C12orf42: variants seen among roughly 807,000 people sequenced by gnomAD.
The protein encoded by C12orf42 is chromosome 12 open reading frame 42, also known as uncharacterized protein C12orf42.
In C12orf42, 25 loss-of-function variants were observed where a neutral mutation model predicts 21.6. The observed-to-expected ratio is 1.16, with a 90% CI of 0.84 to 1.62. C12orf42 has a LOEUF of 1.62. Among genes scored for constraint, C12orf42 ranks in the 40% most tolerant of loss-of-function variants. C12orf42 has a pLI of 0.00. For missense variants in C12orf42, 483 were observed against 459.3 expected (o/e 1.05, Z -0.47); for synonymous variants, 174 against 175.0 (o/e 0.99, Z 0.05).
chr12:103,523,128 CCT>C, the C12orf42 span, among the ~76,000 whole-genome samples: 3 of 152,086 alleles, frequency 2.0e-5, no homozygotes, highest in African/African-American at 7.2e-5. Flanking sequence ...ATAAATGAGC[CCT>C]CTCTTTTAAA....
chr12:103,427,895 AG>A (rs1949967736), intron 2 of C12orf42, among the ~76,000 whole-genome samples: 1 of 152,234 alleles, frequency 6.6e-6, no homozygotes, highest in South Asian at 2.1e-4. Context: ...AACGAAATTA[AG>A]GCAGAAGTAA....
the C12orf42 span, among the ~76,000 whole-genome samples, chr12:103,078,205 G>A: frequency 6.6e-6 from 1 of 152,122 alleles, no homozygotes; most frequent in Non-Finnish European, 1.5e-5. Context: ...TGCATATGTT[G>A]ACTAACTTAA....
chr12:103,070,075 C>A, the C12orf42 span, among the ~76,000 whole-genome samples: 4 of 152,156 alleles, frequency 2.6e-5, no homozygotes, highest in Non-Finnish European at 5.9e-5. Context: ...ATTTTATTTC[C>A]TTGCCACTGT....
In C12orf42 at chr12:103,411,870, C is replaced by T. The variant is rs12579792; in HGVS notation, c.79-10195G>A. Among the ~76,000 whole-genome samples the T allele has an allele frequency of 9.5e-3, 1,448 of 152,270 alleles. 50 individuals are homozygous for T. The East Asian group carries it at 0.11, about 12-fold the overall frequency. On this transcript the variant is annotated intron_variant, in intron 2 of 5. Coordinates refer to ENST00000548883, the MANE Select transcript of C12orf42 (RefSeq NM_198521.5). ...GCACATGCATGCACACAAACACACA[C>T]ACACATACACAGAGGGAGACAGGCA... is the stretch of plus-strand genomic sequence containing the variant.
the C12orf42 span, among the ~76,000 whole-genome samples, chr12:103,083,102 C>T: frequency 9.2e-5 from 14 of 152,232 alleles, no homozygotes; most frequent in South Asian, 4.2e-4. Flanking sequence ...CGGTGGCTGA[C>T]GCCTGTAATT....
the C12orf42 span, among the ~76,000 whole-genome samples, chr12:103,189,150 TTAACACACA>T: frequency 2.6e-5 from 4 of 152,186 alleles, no homozygotes; most frequent in African/African-American, 9.7e-5. Context: ...AAGGCTGGGA[TTAACACACA>T]AAATGCATCT....
intron 4 of C12orf42, among the ~76,000 whole-genome samples, chr12:103,337,795 A>G (rs2041834462): frequency 6.6e-6 from 1 of 152,042 alleles, no homozygotes; most frequent in Admixed American, 6.6e-5. Context: ...TACTTACACC[A>G]CTAAGAAGAG....
chr12:103,099,383 C>A, the C12orf42 span, among the ~76,000 whole-genome samples: 2 of 152,144 alleles, frequency 1.3e-5, no homozygotes, highest in Admixed American at 6.5e-5. Context: ...AGCTCTTTGT[C>A]TAGCAAGGGA....
the C12orf42 span, among the ~76,000 whole-genome samples, chr12:103,189,959 G>A: frequency 6.8e-6 from 1 of 146,446 alleles, no homozygotes. Flanking sequence ...CAGAACAATT[G>A]GATATACATG....
chr12:103,479,942 T>A (rs1954346893), intron 1 of C12orf42, among the ~76,000 whole-genome samples: 1 of 151,998 alleles, frequency 6.6e-6, no homozygotes, highest in South Asian at 2.1e-4. Flanking sequence ...AGTGTCAAAG[T>A]TATGCTAGCT....
At chr12:103,221,584 G>C in the C12orf42 span, among the ~76,000 whole-genome samples, 1 of 152,124 alleles carries the variant, frequency 6.6e-6, no homozygotes, top group Non-Finnish European at 1.5e-5. Context: ...ATCCCTTACT[G>C]TGTTGTTTCT....
the C12orf42 span, among the ~76,000 whole-genome samples, chr12:103,211,873 C>T: frequency 2.6e-5 from 4 of 152,000 alleles, no homozygotes; most frequent in African/African-American, 9.7e-5. Context: ...TTTCTCAGTC[C>T]CTTTTGCTCC....
chr12:103,357,551 A>G (rs138796331), intron 4 of C12orf42, among the ~76,000 whole-genome samples: 146 of 151,780 alleles, frequency 9.6e-4, no homozygotes, highest in African/African-American at 3.3e-3. Flanking sequence ...GACTCCGAAA[A>G]CTCCTTCTTT....
chr12:103,286,029 G>T (rs1284045600), intron 4 of C12orf42, among the ~76,000 whole-genome samples: 2 of 152,002 alleles, frequency 1.3e-5, no homozygotes, highest in Non-Finnish European at 2.9e-5. Flanking sequence ...CAGGCGGATT[G>T]CAAGGTCAGG....
At chr12:103,519,952 T>C in the C12orf42 span, among the ~76,000 whole-genome samples, 1 of 152,062 alleles carries the variant, frequency 6.6e-6, no homozygotes, top group Non-Finnish European at 1.5e-5. Context: ...ACAAAGGACA[T>C]TGGACTCTGA....
chr12:103,478,165 T>G (rs893929373), intron 2 of C12orf42, 184 bp downstream of exon 2: 1 of 514,012 alleles, frequency 1.9e-6, no homozygotes, highest in African/African-American at 2.0e-5. Flanking sequence ...AAATAATTTA[T>G]GAAGGCATTT....
chr12:103,208,393 T>C, the C12orf42 span, among the ~76,000 whole-genome samples: 6 of 152,160 alleles, frequency 3.9e-5, no homozygotes, highest in South Asian at 1.2e-3. Flanking sequence ...GTTGCTTTCT[T>C]TGGTGTGCAG....
At chr12:103,269,255 C>A (rs778723876) in intron 6 of C12orf42, among the ~76,000 whole-genome samples, 2 of 152,190 alleles carry the variant, frequency 1.3e-5, no homozygotes, top group East Asian at 3.9e-4. Flanking sequence ...TTAGAGGGAG[C>A]TGTTCAGAGG....
At chr12:103,244,520 C>T (rs2033917770) in intron 10 of C12orf42, among the ~76,000 whole-genome samples, 1 of 150,986 alleles carries the variant, frequency 6.6e-6, no homozygotes, top group East Asian at 1.9e-4. Context: ...TGTAAATATT[C>T]CTCTTTCCCT....
Sources: allele counts gnomAD v4.1 joint callset (sites outside exome capture counted in the v4.1 genomes callset), GRCh38; gene constraint gnomAD v4.1.1; transcripts MANE v1.5; gene names NCBI Gene and HGNC (gene_info 2026-07-23, HGNC 2026-07-21).